The following RIMKLB variants were observed in gnomAD, a reference collection of about 807,000 sequenced individuals.
The protein encoded by RIMKLB is ribosomal modification protein rimK like family member B.
In RIMKLB, 7 loss-of-function variants were observed where a neutral mutation model predicts 32.0. The observed-to-expected ratio is 0.22, with a 90% confidence interval of 0.12 to 0.41. The LOEUF is 0.41. Among genes scored for constraint, RIMKLB ranks in the 10% least tolerant of loss-of-function variants. The probability of loss-of-function intolerance (pLI) is 1.00; values close to 1 mark genes in which losing one functional copy is unlikely to be tolerated. For missense variants in RIMKLB, 289 were observed against 498.7 expected (o/e 0.58, Z 4.00); for synonymous variants, 172 against 185.1 (o/e 0.93, Z 0.57).
At chr12:8,771,574 G>A (rs1338960926) in intron 5 of RIMKLB, among the ~76,000 whole-genome samples, 2 of 152,148 alleles carry the variant, frequency 1.3e-5, no homozygotes, top group Non-Finnish European at 2.9e-5. Flanking sequence ...TAAGAGTCTA[G>A]CTTCAATTCT....
intron 1 of RIMKLB, among the ~76,000 whole-genome samples, chr12:8,712,377 C>T (rs141944339): frequency 0.013 from 1,962 of 151,866 alleles, 41 homozygotes; most frequent in African/African-American, 0.046. Context: ...ACACCATTGC[C>T]CTCCAGCCTG....
chr12:8,705,716 G>C (rs757337019), intron 1 of RIMKLB, among the ~76,000 whole-genome samples: 1 of 152,200 alleles, frequency 6.6e-6, no homozygotes, highest in East Asian at 1.9e-4. Context: ...TTATGATTGC[G>C]GAGTTGCTAA....
chr12:8,694,396 CTT>C (rs34896689), upstream of RIMKLB, among the ~76,000 whole-genome samples: 8 of 122,482 alleles, frequency 6.5e-5, no homozygotes, highest in Admixed American at 1.9e-4. Context: ...AATTTTTTTT[CTT>C]TTTTTTTTTT....
intron 1 of RIMKLB, among the ~76,000 whole-genome samples, chr12:8,682,158 T>TA (rs1009141085): frequency 6.6e-6 from 1 of 152,138 alleles, no homozygotes; most frequent in East Asian, 1.9e-4. Context: ...ATACATGCAT[T>TA]AAAAAACACA....
At chr12:8,679,765 C>G (rs1332121637), upstream of RIMKLB, 1 of 152,228 alleles carries the variant, frequency 6.6e-6, no homozygotes, top group Non-Finnish European at 1.5e-5. Context: ...TTTCTTCTCA[C>G]AGCAACTAGT....
chr12:8,720,933 A>C (rs776626576), intron 2 of RIMKLB, among the ~76,000 whole-genome samples: 4 of 152,338 alleles, frequency 2.6e-5, no homozygotes, highest in African/African-American at 9.6e-5. Flanking sequence ...ATGCTGCCTC[A>C]GAGTCTACTG....
chr12:8,697,318 A>G (rs747688111), upstream of RIMKLB: 1 of 152,242 alleles, frequency 6.6e-6, no homozygotes, highest in Non-Finnish European at 1.5e-5. Flanking sequence ...CCAGTCCCGG[A>G]TAAAGACCTT....
At chr12:8,672,825 A>C in the RIMKLB span, among the ~76,000 whole-genome samples, 1 of 152,078 alleles carries the variant, frequency 6.6e-6, no homozygotes, top group African/African-American at 2.4e-5. Flanking sequence ...TCATGAGTAA[A>C]AGCTTCCTGA....
At chr12:8,777,793 C>A, downstream of RIMKLB, 1 of 795,632 alleles carries the variant, frequency 1.3e-6, no homozygotes, top group Admixed American at 4.7e-5. Flanking sequence ...CAGCCCCAGT[C>A]TGCCTACAGG....
rs780288602 is a variant in RIMKLB, at chr12:8,754,019, T to C, written c.623T>C (p.Val208Ala). 1 of 1,614,074 alleles carries C rather than the reference T, an allele frequency of 6.2e-7. No individual in the cohort carries two copies. Among genetic ancestry groups the C allele is most frequent in the East Asian group, 2.2e-5 (1 of 44,886 alleles). Residue 208 changes from valine (V) to alanine (A), a missense_variant, in exon 5 of 6, where the codon GTC (valine) becomes GCC (alanine). Coordinates refer to ENST00000535829, the MANE Select transcript of RIMKLB (RefSeq NM_001297776.2). ...ESHGRDVRVIVVGGRVVGTML... is the reference protein window; with the variant it reads ...ESHGRDVRVIAVGGRVVGTML... ...CATGGACGGGATGTACGTGTCATTG[T>C]CGTGGGAGGCCGTGTGGTTGGCACC...
At chr12:8,749,520 T>A (rs1166069848) in intron 2 of RIMKLB, among the ~76,000 whole-genome samples, 1 of 152,250 alleles carries the variant, frequency 6.6e-6, no homozygotes, top group Non-Finnish European at 1.5e-5. Flanking sequence ...CTTAGGTATT[T>A]TTTATGTGTA....
chr12:8,779,122 C>CAAG (rs1440740222), downstream of RIMKLB: 1 of 152,154 alleles, frequency 6.6e-6, no homozygotes. Context: ...TCAGGAGAGC[C>CAAG]TTGTACTCAG....
chr12:8,753,846 A>T, intron 4 of RIMKLB, 44 bp from the exon 5 acceptor site: 2 of 1,479,602 alleles, frequency 1.4e-6, no homozygotes, highest in Non-Finnish European at 1.9e-6. Flanking sequence ...TCATCTGCCC[A>T]CAATTGATGA....
intron 2 of RIMKLB, among the ~76,000 whole-genome samples, chr12:8,723,904 C>T (rs554676011): frequency 6.8e-6 from 1 of 147,768 alleles, no homozygotes; most frequent in Non-Finnish European, 1.5e-5. Flanking sequence ...AACCTCTTGC[C>T]TCCTGGGCTC....
chr12:8,706,679 C>T (rs1395246298), intron 1 of RIMKLB, among the ~76,000 whole-genome samples: 1 of 152,054 alleles, frequency 6.6e-6, no homozygotes, highest in Non-Finnish European at 1.5e-5. Context: ...TCTCAAACTC[C>T]TGACCTCAGG....
At chr12:8,713,036 C>T (rs147132010) in intron 1 of RIMKLB, among the ~76,000 whole-genome samples, 3 of 152,078 alleles carry the variant, frequency 2.0e-5, no homozygotes, top group African/African-American at 4.8e-5. Flanking sequence ...AGAAGCAACA[C>T]CATCTGGAAA....
At chr12:8,757,905 C>G (rs1479259634) in intron 5 of RIMKLB, among the ~76,000 whole-genome samples, 2 of 151,746 alleles carry the variant, frequency 1.3e-5, no homozygotes, top group Non-Finnish European at 2.9e-5. Flanking sequence ...TCTTGCCAAC[C>G]TGTAAGGTCG....
chr12:8,704,666 C>G (rs1297497573), intron 1 of RIMKLB, among the ~76,000 whole-genome samples: 1 of 152,156 alleles, frequency 6.6e-6, no homozygotes, highest in Non-Finnish European at 1.5e-5. Context: ...TAAAGTCATT[C>G]TTCCGGAGGA....
At chr12:8,758,114 A>C (rs1000394400) in intron 5 of RIMKLB, among the ~76,000 whole-genome samples, 5 of 151,782 alleles carry the variant, frequency 3.3e-5, no homozygotes, top group African/African-American at 7.2e-5. Context: ...TCATTATTTT[A>C]ATTTATCTCT....
Sources: gnomAD v4.1 joint callset for allele counts (sites outside exome capture counted in the v4.1 genomes callset) on GRCh38, gnomAD v4.1.1 for gene constraint, MANE v1.5 for transcripts, NCBI Gene and HGNC (gene_info 2026-07-23, HGNC 2026-07-21) for gene names.